The following KIF26B variants were observed in gnomAD, a reference collection of about 807,000 sequenced individuals.
The protein encoded by KIF26B is kinesin-like protein KIF26B.
KIF26B carries 63 observed loss-of-function variants against 151.2 expected under a neutral mutation model. The observed-to-expected ratio is 0.42, with a 90% CI of 0.34 to 0.51. The LOEUF is 0.51. Ranked by LOEUF, KIF26B falls within the 20% of genes least tolerant of loss-of-function variation. The probability of loss-of-function intolerance (pLI) is 0.07; values close to 1 mark genes in which losing one functional copy is unlikely to be tolerated. For missense variants in KIF26B, 2,813 were observed against 2,913.6 expected, an observed-to-expected ratio of 0.97 and a Z score of 0.79; for synonymous variants, 1,357 against 1,262.1, an observed-to-expected ratio of 1.08 and a Z score of -1.59.
chr1:245,361,010 TAAAAG>T (rs1329695405), intron 2 of KIF26B, among the ~76,000 whole-genome samples: 1 of 152,144 alleles, frequency 6.6e-6, no homozygotes, highest in Non-Finnish European at 1.5e-5. Context: ...AATAAATAAA[TAAAAG>T]CATTTTCAGG....
chr1:245,419,368 C>T (rs1658413842), intron 3 of KIF26B, among the ~76,000 whole-genome samples: 1 of 152,092 alleles, frequency 6.6e-6, no homozygotes, highest in South Asian at 2.1e-4. Context: ...TAATTTTATA[C>T]CATTATTTTT....
chr1:245,641,621 T>C (rs2043893308), intron 9 of KIF26B, among the ~76,000 whole-genome samples: 1 of 152,214 alleles, frequency 6.6e-6, no homozygotes, highest in Non-Finnish European at 1.5e-5. Flanking sequence ...TGATACGCTC[T>C]ATTGCATTTT....
chr1:245,402,573 G>T (rs1271811407), intron 3 of KIF26B, among the ~76,000 whole-genome samples: 1 of 152,218 alleles, frequency 6.6e-6, no homozygotes, highest in Admixed American at 6.5e-5. Context: ...TAGAGTGAGT[G>T]CGATCCGTGA....
At chr1:245,198,644 CT>C (rs1476309378) in intron 2 of KIF26B, among the ~76,000 whole-genome samples, 1 of 151,436 alleles carries the variant, frequency 6.6e-6, no homozygotes, top group African/African-American at 2.4e-5. Context: ...ATCGCTTGAA[CT>C]TGGGAGGCGG....
At chr1:245,219,163 G>C (rs1669711068) in intron 2 of KIF26B, among the ~76,000 whole-genome samples, 1 of 104,166 alleles carries the variant, frequency 9.6e-6, no homozygotes, top group Admixed American at 1.4e-4. Flanking sequence ...TTTTGAGACG[G>C]AGTCTTGCTC....
intron 4 of KIF26B, among the ~76,000 whole-genome samples, chr1:245,513,710 ATGT>A (rs1572100125): frequency 1.3e-5 from 2 of 152,198 alleles, no homozygotes; most frequent in Non-Finnish European, 1.5e-5. Context: ...AGCCCAAGAA[ATGT>A]TGTAAAAACC....
intron 2 of KIF26B, among the ~76,000 whole-genome samples, chr1:245,214,389 T>C (rs74605184): frequency 0.019 from 2,906 of 151,836 alleles, 85 homozygotes; most frequent in African/African-American, 0.067. Flanking sequence ...AACATTTTTT[T>C]AATATCATCA....
Position 245,670,833 on chromosome 1 carries a change from G to A in KIF26B, c.2259-13400G>A, listed in dbSNP as rs190294532. 1.1e-3 allele frequency among the ~76,000 whole-genome samples: 163 copies of A among 152,264 alleles called. 3 individuals are homozygous for A. The highest frequency in any genetic ancestry group is 9.7e-3 in the Admixed American group (148 of 15,294). ...GAGAATGGGGTATCCATCCCCTCAA[G>A]CATTTATCCTTTGAGTTACAAACAA... On this transcript the variant is annotated intron_variant, in intron 10 of 14. Coordinates refer to ENST00000407071, the MANE Select transcript of KIF26B (RefSeq NM_018012.4).
At chr1:245,662,224 T>C (rs2044153710) in intron 10 of KIF26B, among the ~76,000 whole-genome samples, 1 of 150,034 alleles carries the variant, frequency 6.7e-6, no homozygotes, top group South Asian at 2.1e-4. Flanking sequence ...ACACACACTA[T>C]ATAGATACAC....
At chr1:245,280,115 T>C (rs940491564) in intron 2 of KIF26B, among the ~76,000 whole-genome samples, 4 of 152,026 alleles carry the variant, frequency 2.6e-5, no homozygotes, top group South Asian at 2.1e-4. Context: ...CTGCTCCCCA[T>C]TGGGCGCCCC....
intron 4 of KIF26B, among the ~76,000 whole-genome samples, chr1:245,437,617 A>G (rs920381352): frequency 1.3e-5 from 2 of 152,278 alleles, no homozygotes; most frequent in Non-Finnish European, 2.9e-5. Context: ...AGGGAAGCAA[A>G]GTGTTGTTCA....
chr1:245,607,263 C>T (rs961459041), intron 6 of KIF26B, among the ~76,000 whole-genome samples: 2 of 151,928 alleles, frequency 1.3e-5, no homozygotes, highest in Non-Finnish European at 2.9e-5. Flanking sequence ...TCTATGTATA[C>T]GTGTGTCAGC....
chr1:245,165,139 C>G (rs888949308), intron 2 of KIF26B, among the ~76,000 whole-genome samples: 2 of 151,692 alleles, frequency 1.3e-5, no homozygotes, highest in African/African-American at 4.8e-5. Flanking sequence ...GTCACCGAGA[C>G]CAGTTGGGAG....
chr1:245,537,932 A>G (rs1661522589), intron 4 of KIF26B, among the ~76,000 whole-genome samples: 1 of 152,206 alleles, frequency 6.6e-6, no homozygotes. Flanking sequence ...ATGATCCTGG[A>G]AGAAAACACC....
intron 5 of KIF26B, among the ~76,000 whole-genome samples, chr1:245,599,395 G>A (rs2153600): frequency 0.33 from 49,894 of 152,116 alleles, 8,567 homozygotes; most frequent in East Asian, 0.39. Context: ...CCAGACCAGC[G>A]ACTGGGATCT....
intron 2 of KIF26B, among the ~76,000 whole-genome samples, chr1:245,278,698 T>A (rs1428833320): frequency 6.6e-6 from 1 of 152,176 alleles, no homozygotes; most frequent in African/African-American, 2.4e-5. Context: ...TTTTGATGCA[T>A]CTCTTGTATT....
chr1:245,296,605 G>A (rs1158448943), intron 2 of KIF26B, among the ~76,000 whole-genome samples: 1 of 152,168 alleles, frequency 6.6e-6, no homozygotes. Flanking sequence ...CTTTCCCATC[G>A]CCATGGGATG....
At chr1:245,156,255 CCT>C in intron 1 of KIF26B, 25 bp from the exon 2 acceptor site, 1 of 1,541,610 alleles carries the variant, frequency 6.5e-7, no homozygotes, top group Non-Finnish European at 8.7e-7. Context: ...CCTTGCAGCC[CCT>C]GACACCGGCG....
intron 4 of KIF26B, among the ~76,000 whole-genome samples, chr1:245,478,686 A>T (rs1331486208): frequency 6.6e-6 from 1 of 151,702 alleles, no homozygotes; most frequent in East Asian, 1.9e-4. Context: ...AAGTGCTGGG[A>T]TGACAGGCGT....
Sources: gnomAD v4.1 joint callset for allele counts (sites outside exome capture counted in the v4.1 genomes callset) on GRCh38, gnomAD v4.1.1 for gene constraint, MANE v1.5 for transcripts, NCBI Gene and HGNC (gene_info 2026-07-23, HGNC 2026-07-21) for gene names.